GOLGA8O: variants seen among roughly 807,000 people sequenced by gnomAD.
GOLGA8O encodes golgin subfamily A member 8O.
GOLGA8O carries 4 observed loss-of-function variants against 29.7 expected under a neutral mutation model. That is an observed-to-expected ratio of 0.13 (90% CI 0.07 to 0.31). The LOEUF (loss-of-function observed/expected upper bound fraction) is 0.31. GOLGA8O is among the 10% of genes least tolerant of loss of function. The probability of loss-of-function intolerance (pLI) is 1.00; values close to 1 mark genes in which losing one functional copy is unlikely to be tolerated. For missense variants in GOLGA8O, 32 were observed against 216.5 expected (o/e 0.15, Z 5.35); for synonymous variants, 6 against 78.0 (o/e 0.08, Z 4.87).
intron 8 of GOLGA8O, among the ~76,000 whole-genome samples, 171 bp downstream of exon 8, chr15:32,450,742 C>T (rs1218511620): frequency 6.6e-6 from 1 of 151,862 alleles, no homozygotes; most frequent in Non-Finnish European, 1.5e-5. Context: ...AACTCACCCA[C>T]AGCAGCTGAC....
the GOLGA8O span, among the ~76,000 whole-genome samples, chr15:32,460,708 C>G: frequency 1.0e-5 from 1 of 96,198 alleles, no homozygotes; most frequent in African/African-American, 5.1e-5. Flanking sequence ...CACACACACA[C>G]GCACACACAC....
At chr15:32,450,857 A>T (rs2140317932) in intron 8 of GOLGA8O, 56 bp downstream of exon 8, 1 of 758,136 alleles carries the variant, frequency 1.3e-6, no homozygotes, top group East Asian at 2.8e-5. Context: ...CTTTAGGCTC[A>T]CTCCTCCATC....
upstream of GOLGA8O, among the ~76,000 whole-genome samples, chr15:32,460,489 GT>G (rs2055219442): frequency 2.6e-5 from 2 of 77,148 alleles, no homozygotes; most frequent in African/African-American, 6.2e-5. Flanking sequence ...ACCACGACTG[GT>G]TAGAAGACAA....
At chr15:32,459,124 C>T (rs1165508223), upstream of GOLGA8O, among the ~76,000 whole-genome samples, 1 of 79,418 alleles carries the variant, frequency 1.3e-5, no homozygotes, top group African/African-American at 5.3e-5. Context: ...GAAATCCCAT[C>T]TCTACTAAAA....
chr15:32,458,633 AT>A (rs2055206764), upstream of GOLGA8O, among the ~76,000 whole-genome samples: 1 of 93,648 alleles, frequency 1.1e-5, no homozygotes, highest in Admixed American at 9.7e-5. Context: ...TTTTATTTTT[AT>A]TTATTTATTT....
chr15:32,450,517 G>GCACACACACA (rs2055107394), intron 8 of GOLGA8O, among the ~76,000 whole-genome samples: 1 of 92,088 alleles, frequency 1.1e-5, no homozygotes, highest in Non-Finnish European at 2.3e-5. Flanking sequence ...ATCACAGTAT[G>GCACACACACA]TACACACACA....
intron 1 of GOLGA8O, among the ~76,000 whole-genome samples, chr15:32,455,281 C>T (rs1269453856): frequency 1.1e-5 from 1 of 91,758 alleles, no homozygotes; most frequent in Admixed American, 1.0e-4. Flanking sequence ...CCCAAAGTCA[C>T]CCTGGGGTGA....
the GOLGA8O span, among the ~76,000 whole-genome samples, chr15:32,460,693 A>G: frequency 9.2e-5 from 9 of 97,772 alleles, 1 homozygote; most frequent in Non-Finnish European, 1.1e-4. Flanking sequence ...ACACACGCGC[A>G]CACACACACA....
At chr15:32,447,214 A>G in intron 13 of GOLGA8O, 142 bp from the exon 14 acceptor site, 7 of 4,228 alleles carry the variant, frequency 1.7e-3, no homozygotes, top group East Asian at 0.014. Flanking sequence ...CAAGCTTCCT[A>G]CTGCTGCAGC....
Position 32,452,572 on chromosome 15 carries a change from C to G in GOLGA8O, c.229-1G>C, listed in dbSNP as rs772891287. On this transcript the variant is annotated splice_acceptor_variant, in intron 3 of 18. Coordinates refer to ENST00000509311, the MANE Select transcript of GOLGA8O (RefSeq NM_001277308.1). LOFTEE classifies it high-confidence loss of function. ...CTACTGCTCGTTCTTGGCACGGGCT[C>G]TGAGGTGCATGCAGAGAGGAGGAGG... 4.8e-6 allele frequency: 5 copies of G among 1,037,292 alleles called. No individual in the cohort carries two copies. In the South Asian group the frequency reaches 7.0e-5, roughly 15 times the overall value. 64.3% of individuals were successfully genotyped at this position (1,037,292 alleles called of 1,614,324 possible).
upstream of GOLGA8O, among the ~76,000 whole-genome samples, chr15:32,459,200 G>A (rs1435400618): frequency 1.4e-5 from 1 of 73,824 alleles, no homozygotes; most frequent in African/African-American, 5.5e-5. Flanking sequence ...GGCTGAGGCA[G>A]GAGAACTGCT....
upstream of GOLGA8O, among the ~76,000 whole-genome samples, chr15:32,457,184 G>A: frequency 1.3e-5 from 1 of 74,442 alleles, no homozygotes; most frequent in Non-Finnish European, 2.8e-5. Flanking sequence ...ACCACGCCTG[G>A]CTAATTTTTT....
chr15:32,460,649 T>G, the GOLGA8O span, among the ~76,000 whole-genome samples: 1 of 93,366 alleles, frequency 1.1e-5, no homozygotes, highest in African/African-American at 5.0e-5. Context: ...TCTAAATGGT[T>G]TACATGTACC....
Position 32,445,757 on chromosome 15 carries a change from G to A in GOLGA8O, c.1469+41C>T. ...CTCAGATTCTGGGGCCCCTCTGATG[G>A]CTCTGTAGCTCCCCCTGCCGTGCCC... On this transcript the variant is annotated intron_variant, in intron 16 of 18. Transcript: ENST00000509311. 2.3e-6 allele frequency: 2 copies of A among 853,040 alleles called. 1 individual carries two copies. The highest frequency in any genetic ancestry group is 3.2e-6 in the Non-Finnish European group (2 of 619,082). The allele number at this position is 853,040 out of a possible 1,614,324, so 52.8% of individuals were successfully genotyped here.
chr15:32,453,665 GC>G lies in GOLGA8O; in HGVS notation c.168+37del. On this transcript the variant is annotated intron_variant, in intron 2 of 18. Coordinates refer to ENST00000509311, the MANE Select transcript of GOLGA8O (RefSeq NM_001277308.1). ...AGAATTACCCTCTATTGCCCCTTGG[GC>G]CCCCTGTCCCCAGAAGCCTGGTCAG... is the stretch of plus-strand genomic sequence containing the variant. The G allele has an allele frequency of 1.8e-5, 10 of 556,844 alleles. 1 individual carries two copies. The highest frequency in any genetic ancestry group is 2.8e-5 in the Non-Finnish European group (10 of 363,306). The allele number at this position is 556,844 out of a possible 1,614,324, so 34.5% of individuals were successfully genotyped here.
At chr15:32,445,570 TCACA>T in intron 17 of GOLGA8O, 44 bp downstream of exon 17, 27 of 11,416 alleles carry the variant, frequency 2.4e-3, no homozygotes, top group Admixed American at 4.2e-3. Flanking sequence ...GCGCCCACCC[TCACA>T]CCCACCCCCA....
intron 8 of GOLGA8O, among the ~76,000 whole-genome samples, chr15:32,450,518 T>TACACACACACACACACACACAC: frequency 1.5e-5 from 2 of 132,042 alleles, no homozygotes; most frequent in African/African-American, 2.9e-5. Flanking sequence ...TCACAGTATG[T>TACACACACACACACACACACAC]ACACACACAC....
At chr15:32,450,359 GA>G (rs2055103481) in intron 8 of GOLGA8O, among the ~76,000 whole-genome samples, 1 of 120,218 alleles carries the variant, frequency 8.3e-6, no homozygotes, top group South Asian at 3.5e-4. Flanking sequence ...ATAGGAAGGG[GA>G]AAATTAATCT....
At chr15:32,450,605 G>A (rs2055110977) in intron 8 of GOLGA8O, among the ~76,000 whole-genome samples, 1 of 150,158 alleles carries the variant, frequency 6.7e-6, no homozygotes, top group Non-Finnish European at 1.5e-5. Flanking sequence ...GTACTCTTCT[G>A]TACCTTCACA....
Sources: gnomAD v4.1 joint callset for allele counts (sites outside exome capture counted in the v4.1 genomes callset) on GRCh38, gnomAD v4.1.1 for gene constraint, MANE v1.5 for transcripts, NCBI Gene and HGNC (gene_info 2026-07-23, HGNC 2026-07-21) for gene names.